The following EFHC1 variants were observed in gnomAD, a reference collection of about 807,000 sequenced individuals.
The protein encoded by EFHC1 is EF-hand domain-containing protein 1.
Under a neutral mutation model 69.9 loss-of-function variants are expected in EFHC1, and 53 were observed. The ratio of observed to expected loss-of-function variants is 0.76; its 90% CI spans 0.61 to 0.95. The LOEUF (loss-of-function observed/expected upper bound fraction) is 0.95. Among genes scored for constraint, EFHC1 ranks in the 40% least tolerant of loss-of-function variants. The pLI, the probability that EFHC1 is intolerant of heterozygous loss-of-function variation, is 0.00. For synonymous variants in EFHC1, 256 were observed against 278.4 expected, an observed-to-expected ratio of 0.92 and a Z score of 0.80; for missense variants, 739 against 798.7, an observed-to-expected ratio of 0.93 and a Z score of 0.90.
chr6:52,468,042 A>C (rs1343336704), intron 6 of EFHC1, among the ~76,000 whole-genome samples: 1 of 152,250 alleles, frequency 6.6e-6, no homozygotes, highest in Non-Finnish European at 1.5e-5. Flanking sequence ...CTTCTCTGCT[A>C]GATCAGGAAT....
chr6:52,469,171 G>T, intron 6 of EFHC1, 162 bp from the exon 7 acceptor site: 1 of 862,386 alleles, frequency 1.2e-6, no homozygotes, highest in Non-Finnish European at 1.8e-6. Flanking sequence ...ACAGAGGAAG[G>T]GGATAAGTGA....
At chr6:52,442,697 G>T (rs908702041) in intron 3 of EFHC1, among the ~76,000 whole-genome samples, 2 of 152,104 alleles carry the variant, frequency 1.3e-5, no homozygotes, top group African/African-American at 4.8e-5. Flanking sequence ...GTCTATCATT[G>T]TTGGACATTT....
At position 52,469,626 on chromosome 6, in the gene EFHC1, G is replaced by C. The variant is rs149649609; in HGVS notation, c.1278+153G>C. On this transcript the variant is annotated intron_variant, in intron 7 of 10. Transcript: ENST00000371068. ...CTAGTACCCAGCCTTCAGGGAGGTT[G>C]GATAGTATTAAGTATGGTGCCCCTG... 3.3e-4 allele frequency among the ~76,000 whole-genome samples: 50 copies of C among 152,222 alleles called. 1 individual carries two copies. In the South Asian group the frequency reaches 3.7e-3, roughly 11 times the overall value.
chr6:52,425,200 C>T (rs1047726552), intron 2 of EFHC1, among the ~76,000 whole-genome samples: 1 of 152,060 alleles, frequency 6.6e-6, no homozygotes, highest in African/African-American at 2.4e-5. Context: ...ATTCATAGGC[C>T]GAACCTAAAC....
At chr6:52,452,492 G>A (rs1208680708) in intron 3 of EFHC1, among the ~76,000 whole-genome samples, 196 bp from the exon 4 acceptor site, 1 of 152,074 alleles carries the variant, frequency 6.6e-6, no homozygotes, top group Non-Finnish European at 1.5e-5. Flanking sequence ...TGTAGAAACA[G>A]GGTCTCACTA....
At chr6:52,477,913 A>G (rs1489187459) in intron 7 of EFHC1, among the ~76,000 whole-genome samples, 1 of 152,220 alleles carries the variant, frequency 6.6e-6, no homozygotes, top group Non-Finnish European at 1.5e-5. Context: ...TGACCCAGCC[A>G]TCCCATTACT....
chr6:52,448,399 C>T (rs1764837434), intron 3 of EFHC1, among the ~76,000 whole-genome samples: 1 of 152,196 alleles, frequency 6.6e-6, no homozygotes, highest in South Asian at 2.1e-4. Flanking sequence ...TCCTGGTGTG[C>T]CATTTGCTAA....
intron 7 of EFHC1, among the ~76,000 whole-genome samples, chr6:52,472,248 GCTTA>G (rs1223745979): frequency 6.6e-6 from 1 of 152,248 alleles, no homozygotes. Flanking sequence ...ACTGCAAACA[GCTTA>G]CTTAGTGATG....
intron 2 of EFHC1, among the ~76,000 whole-genome samples, chr6:52,436,871 A>C (rs1408671046): frequency 6.6e-6 from 1 of 152,134 alleles, no homozygotes; most frequent in Non-Finnish European, 1.5e-5. Flanking sequence ...CAAACACCTT[A>C]ACTCAGGTGA....
rs1766067962 is a variant in EFHC1 at position 52,496,539 on chromosome 6, A to G, written c.*4198A>G. The stretch of plus-strand genomic sequence containing the variant: ...TGTTGTCCAGAGAATCCACTTGGTT[A>G]AGTGACTCCTGAGTATCCTGCTGGC... On this transcript the variant is annotated 3_prime_UTR_variant, in exon 11 of 11. Coordinates refer to ENST00000371068, the MANE Select transcript of EFHC1 (RefSeq NM_018100.4). 1 of 152,218 alleles carries G rather than the reference A, an allele frequency of 6.6e-6. No individual in the cohort carries two copies. The highest frequency in any genetic ancestry group is 1.5e-5 in the Non-Finnish European group (1 of 68,044). The allele number at this position is 152,218 out of a possible 1,614,324, so 9.4% of individuals were successfully genotyped here.
intron 1 of EFHC1, chr6:52,423,657 ATTTTTTT>A (rs59383268): frequency 1.5e-5 from 4 of 263,438 alleles, no homozygotes; most frequent in East Asian, 7.9e-5. Flanking sequence ...CACCCAGCTA[ATTTTTTT>A]TTTTTTTTTT....
intron 6 of EFHC1, among the ~76,000 whole-genome samples, chr6:52,467,038 T>TA (rs1247024986): frequency 6.6e-6 from 1 of 152,074 alleles, no homozygotes; most frequent in East Asian, 1.9e-4. Context: ...CAGGGGAAAA[T>TA]ACCATGAGAA....
chr6:52,423,787 C>A, intron 1 of EFHC1, 159 bp from the exon 2 acceptor site: 2 of 1,528,856 alleles, frequency 1.3e-6, no homozygotes, highest in Non-Finnish European at 8.7e-7. Flanking sequence ...ATTATAGGCA[C>A]GAGCCACCAT....
intron 4 of EFHC1, 77 bp downstream of exon 4, chr6:52,452,914 G>C: frequency 6.2e-7 from 1 of 1,608,088 alleles, no homozygotes. Flanking sequence ...GGTTTGGGTA[G>C]CTGTATTGGT....
intron 9 of EFHC1, chr6:52,483,453 A>T (rs1009245872): frequency 1.3e-5 from 2 of 152,254 alleles, no homozygotes; most frequent in Non-Finnish European, 2.9e-5. Context: ...AACAGTGTAC[A>T]GCAGCAGCTG....
At chr6:52,483,151 G>C (rs371642312) in intron 9 of EFHC1, 176 of 305,874 alleles carry the variant, frequency 5.8e-4, no homozygotes, top group South Asian at 2.7e-3. Context: ...GTGGACTAAA[G>C]TCCTGACAGA....
intron 3 of EFHC1, among the ~76,000 whole-genome samples, chr6:52,440,300 C>T (rs1341936154): frequency 6.6e-6 from 1 of 152,038 alleles, no homozygotes; most frequent in African/African-American, 2.4e-5. Flanking sequence ...TCACACCCAA[C>T]AGCACTATAA....
intron 6 of EFHC1, chr6:52,469,128 A>T: frequency 1.7e-6 from 1 of 602,960 alleles, no homozygotes; most frequent in South Asian, 2.0e-5. Flanking sequence ...ATCATCAGTT[A>T]CTTCTGTGAT....
intron 3 of EFHC1, among the ~76,000 whole-genome samples, chr6:52,446,306 A>C (rs879217838): frequency 6.6e-6 from 1 of 152,170 alleles, no homozygotes; most frequent in African/African-American, 2.4e-5. Flanking sequence ...TCCCTTTACC[A>C]TTATGTAACG....
Sources: allele counts gnomAD v4.1 joint callset (sites outside exome capture counted in the v4.1 genomes callset), GRCh38; gene constraint gnomAD v4.1.1; transcripts MANE v1.5; gene names NCBI Gene and HGNC (gene_info 2026-07-23, HGNC 2026-07-21).